Variants in LRP12 observed in about 807,000 individuals in gnomAD.
LRP12 encodes LDL receptor related protein 12, also known as low-density lipoprotein receptor-related protein 12.
LRP12 carries 14 observed loss-of-function variants against 66.0 expected under a neutral mutation model. The observed-to-expected ratio is 0.21, with a 90% CI of 0.14 to 0.33. LRP12 has a LOEUF of 0.33. Ranked by LOEUF, LRP12 falls within the 10% of genes least tolerant of loss-of-function variation. LRP12 has a pLI of 1.00. For synonymous variants in LRP12, 357 were observed against 359.1 expected (o/e 0.99, Z 0.07); for missense variants, 889 against 1,053.4 (o/e 0.84, Z 2.16).
At chr8:104,499,221 A>T in intron 4 of LRP12, 96 bp downstream of exon 4, 2 of 969,636 alleles carry the variant, frequency 2.1e-6, no homozygotes, top group Non-Finnish European at 3.1e-6. Flanking sequence ...GCCTACTCCT[A>T]ATTAAATGAA....
At chr8:104,514,811 A>G (rs1036321391) in intron 2 of LRP12, among the ~76,000 whole-genome samples, 2 of 152,222 alleles carry the variant, frequency 1.3e-5, no homozygotes, top group Non-Finnish European at 2.9e-5. Flanking sequence ...TTGGTAAAAG[A>G]CATAGCACAC....
At chr8:104,587,959 TAA>T (rs1311282191) in intron 1 of LRP12, among the ~76,000 whole-genome samples, 1 of 152,196 alleles carries the variant, frequency 6.6e-6, no homozygotes, top group Non-Finnish European at 1.5e-5. Flanking sequence ...TTAATTATCT[TAA>T]GAGATAGATG....
intron 3 of LRP12, chr8:104,505,211 G>C (rs1810889329): frequency 1.3e-5 from 2 of 151,760 alleles, no homozygotes; most frequent in South Asian, 4.2e-4. Context: ...GTAAAGACAG[G>C]GTTTCACCAC....
intron 6 of LRP12, among the ~76,000 whole-genome samples, chr8:104,493,878 T>C (rs1010785857): frequency 2.6e-5 from 4 of 152,190 alleles, no homozygotes; most frequent in Non-Finnish European, 5.9e-5. Context: ...CTTCTGAACT[T>C]TGTCCTATGC....
chr8:104,490,721 T>C lies in LRP12; in HGVS notation c.2532A>G (p.Val844=), dbSNP rs996445827. ...CATCACTCGTTTCGTTTTTCAGTGTTACTTCTAAGCAAGTGTCTGGTATCT... is the reference window on the plus strand; with the variant it reads ...CATCACTCGTTTCGTTTTTCAGTGTCACTTCTAAGCAAGTGTCTGGTATCT... ...TAQIPDTCLE[V]TLKNETSDDE... is the part of the protein sequence containing the mutation. Residue 844 remains valine (V), a synonymous_variant, in exon 7 of 7, where the codon GTA becomes GTG. Coordinates refer to ENST00000276654, the MANE Select transcript of LRP12 (RefSeq NM_013437.5). The C allele has an allele frequency of 6.2e-7, 1 of 1,613,836 alleles. No individual in the cohort carries two copies. Among genetic ancestry groups the C allele is most frequent in the African/African-American group, 1.3e-5 (1 of 74,920 alleles).
At chr8:104,585,467 T>C (rs1812314938) in intron 1 of LRP12, among the ~76,000 whole-genome samples, 1 of 152,160 alleles carries the variant, frequency 6.6e-6, no homozygotes, top group Non-Finnish European at 1.5e-5. Context: ...TTCAGGAGAC[T>C]CACCCGCCTC....
intron 1 of LRP12, chr8:104,565,966 G>C (rs934544921): frequency 1.3e-5 from 2 of 152,304 alleles, no homozygotes; most frequent in African/African-American, 5.2e-5. Flanking sequence ...GAGAGAGAGG[G>C]AGAGGGGGCG....
At chr8:104,553,306 G>A (rs1452653962) in intron 1 of LRP12, among the ~76,000 whole-genome samples, 1 of 152,202 alleles carries the variant, frequency 6.6e-6, no homozygotes, top group Non-Finnish European at 1.5e-5. Context: ...AAACCTGAAA[G>A]CCCTGCTTGC....
In LRP12 at chr8:104,514,502, T is replaced by A. The variant is rs184758681; in HGVS notation, c.137-5428A>T. On this transcript the variant is annotated intron_variant, in intron 2 of 6. Coordinates refer to ENST00000276654, the MANE Select transcript of LRP12 (RefSeq NM_013437.5). The stretch of plus-strand genomic sequence containing the variant: ...GGCGGGTGGATAATGAGATCAGGAG[T>A]TCAAGACCAGCCTGGCCAATATGGT... Among the ~76,000 whole-genome samples, 65 of 143,906 alleles carry A rather than the reference T, an allele frequency of 4.5e-4. 1 individual carries two copies. Among genetic ancestry groups the A allele is most frequent in the East Asian group, 2.6e-3 (13 of 4,908 alleles). 94.4% of individuals were successfully genotyped at this position (143,906 alleles called of 152,430 possible).
At chr8:104,548,512 A>T (rs1811668546) in intron 1 of LRP12, among the ~76,000 whole-genome samples, 1 of 121,816 alleles carries the variant, frequency 8.2e-6, no homozygotes, top group Non-Finnish European at 1.6e-5. Context: ...ATTCTATATT[A>T]TATTTTGTAT....
Position 104,520,412 on chromosome 8 carries a change from C to A in LRP12, c.137-11338G>T, listed in dbSNP as rs541323053. On this transcript the variant is annotated intron_variant, in intron 2 of 6. Transcript: ENST00000276654. Reference sequence around the variant, plus strand: ...TACTAATTTTTGAAGGTTACTGTGACTCTGGCTGGAAGCATAAAAAGGTAA... The same window carrying A: ...TACTAATTTTTGAAGGTTACTGTGAATCTGGCTGGAAGCATAAAAAGGTAA... 1.3e-4 allele frequency among the ~76,000 whole-genome samples: 20 copies of A among 152,098 alleles called. No individual in the cohort carries two copies. The South Asian group carries it at 1.7e-3, about 13-fold the overall frequency.
chr8:104,521,216 TC>T (rs1811145521), intron 2 of LRP12, among the ~76,000 whole-genome samples: 1 of 151,930 alleles, frequency 6.6e-6, no homozygotes, highest in East Asian at 1.9e-4. Flanking sequence ...TGTGAAATGC[TC>T]CAATGAGCAT....
chr8:104,559,904 T>C (rs1190339731), intron 1 of LRP12, among the ~76,000 whole-genome samples: 1 of 152,220 alleles, frequency 6.6e-6, no homozygotes, highest in Non-Finnish European at 1.5e-5. Flanking sequence ...TGCTATACTA[T>C]GTACTTTCCC....
chr8:104,542,459 T>G (rs1163743213), intron 1 of LRP12, among the ~76,000 whole-genome samples: 2 of 152,164 alleles, frequency 1.3e-5, no homozygotes, highest in Non-Finnish European at 2.9e-5. Flanking sequence ...GACTTTTCAG[T>G]GTCTTGATAG....
rs1044713366 is a variant in LRP12 at position 104,560,970 on chromosome 8, T to C, written c.79+27849A>G. On this transcript the variant is annotated intron_variant, in intron 1 of 6. Transcript: ENST00000276654. The stretch of plus-strand genomic sequence containing the variant: ...TTGCTTCTTTCTGATGTCACTTAAC[T>C]TTGGTTCATCTAGCTCAAGGATCAG... 2.0e-4 allele frequency among the ~76,000 whole-genome samples: 31 copies of C among 152,222 alleles called. No homozygotes were observed. The South Asian group carries it at 2.3e-3, about 11-fold the overall frequency.
At chr8:104,537,352 G>A (rs1045213854) in intron 1 of LRP12, among the ~76,000 whole-genome samples, 14 of 152,020 alleles carry the variant, frequency 9.2e-5, no homozygotes, top group African/African-American at 2.9e-4. Flanking sequence ...TTTGCATCAC[G>A]GTCCTAGTCT....
At chr8:104,576,919 A>G (rs1812173203) in intron 1 of LRP12, among the ~76,000 whole-genome samples, 7 of 152,224 alleles carry the variant, frequency 4.6e-5, no homozygotes. Flanking sequence ...AAATCTACCA[A>G]GCAAATGGAA....
intron 1 of LRP12, among the ~76,000 whole-genome samples, chr8:104,577,300 G>A (rs754673795): frequency 1.4e-4 from 22 of 152,214 alleles, no homozygotes; most frequent in Non-Finnish European, 2.1e-4. Flanking sequence ...CAGATGGCAC[G>A]TACTCTAAAA....
At position 104,490,864 on chromosome 8, in the gene LRP12, CAAG is replaced by C. The variant is rs763416014; in HGVS notation, c.2386_2388del (p.Leu796del). 1 of 1,614,056 alleles carries C rather than the reference CAAG, an allele frequency of 6.2e-7. No homozygotes were observed. Among genetic ancestry groups the C allele is most frequent in the Non-Finnish European group, 8.5e-7 (1 of 1,180,000 alleles). ...CCTTGTCCTTGATCTGAGGCAAGATCAAGAAGAGGTCTGGAGCAGTCATTCACA... is the reference window on the plus strand; with the variant it reads ...CCTTGTCCTTGATCTGAGGCAAGATCAAGAGGTCTGGAGCAGTCATTCACA... On this transcript the variant is annotated inframe_deletion, in exon 7 of 7. Coordinates refer to ENST00000276654, the MANE Select transcript of LRP12 (RefSeq NM_013437.5).
Sources: allele counts gnomAD v4.1 joint callset (sites outside exome capture counted in the v4.1 genomes callset), GRCh38; gene constraint gnomAD v4.1.1; transcripts MANE v1.5; gene names NCBI Gene and HGNC (gene_info 2026-07-23, HGNC 2026-07-21).